Variants in NTNG1 observed in about 807,000 individuals in gnomAD.
The protein encoded by NTNG1 is netrin-G1.
NTNG1 carries 16 observed loss-of-function variants against 54.0 expected under a neutral mutation model. The observed-to-expected ratio is 0.30, with a 90% CI of 0.20 to 0.45. The LOEUF (loss-of-function observed/expected upper bound fraction) is 0.45. Ranked by LOEUF, NTNG1 falls within the 20% of genes least tolerant of loss-of-function variation. The pLI is 1.00. For missense variants in NTNG1, 530 were observed against 678.7 expected (o/e 0.78, Z 2.43); for synonymous variants, 255 against 263.1 (o/e 0.97, Z 0.30).
intron 2 of NTNG1, among the ~76,000 whole-genome samples, chr1:107,163,327 T>C (rs1031462054): frequency 1.1e-4 from 16 of 152,274 alleles, no homozygotes; most frequent in Admixed American, 9.8e-4. Flanking sequence ...ATTTTACTTC[T>C]TTGTTTTGAA....
At chr1:107,457,023 A>G (rs942405366) in intron 7 of NTNG1, among the ~76,000 whole-genome samples, 8 of 152,224 alleles carry the variant, frequency 5.3e-5, no homozygotes, top group South Asian at 2.1e-4. Flanking sequence ...TTTTTATTCT[A>G]TCATGATTAT....
At chr1:107,353,815 A>G (rs1384215493) in intron 3 of NTNG1, among the ~76,000 whole-genome samples, 2 of 152,212 alleles carry the variant, frequency 1.3e-5, no homozygotes, top group African/African-American at 4.8e-5. Flanking sequence ...GCATGGTAGC[A>G]TCTGCTTCTG....
In NTNG1 at chr1:107,213,431, GA is replaced by G. The variant is rs533611399; in HGVS notation, c.246+64593del. On this transcript the variant is annotated intron_variant, in intron 2 of 7. Transcript: ENST00000370068. ...CAGCATTACAGATGGGAGTAGACAA[GA>G]GGGGTGGAGCATGCGTGGAAGGCTG... 2.0e-5 allele frequency among the ~76,000 whole-genome samples: 3 copies of G among 152,286 alleles called. No homozygotes were observed. The East Asian group carries it at 5.8e-4, about 29-fold the overall frequency.
intron 7 of NTNG1, among the ~76,000 whole-genome samples, chr1:107,454,669 A>G (rs1267821057): frequency 6.6e-6 from 1 of 152,238 alleles, no homozygotes; most frequent in Non-Finnish European, 1.5e-5. Flanking sequence ...CAAAGGAGGA[A>G]ATAGCATGCA....
intron 3 of NTNG1, among the ~76,000 whole-genome samples, chr1:107,377,748 C>G (rs1557947408): frequency 6.6e-6 from 1 of 152,242 alleles, no homozygotes; most frequent in African/African-American, 2.4e-5. Flanking sequence ...AGGAATAAGG[C>G]AGCATACATT....
intron 2 of NTNG1, among the ~76,000 whole-genome samples, chr1:107,202,329 A>T (rs1399481479): frequency 6.6e-6 from 1 of 151,790 alleles, no homozygotes; most frequent in Non-Finnish European, 1.5e-5. Flanking sequence ...TACTTTTGTC[A>T]TCTGGAAAAT....
At chr1:107,383,232 G>A (rs369686898) in intron 3 of NTNG1, among the ~76,000 whole-genome samples, 3 of 152,286 alleles carry the variant, frequency 2.0e-5, no homozygotes, top group African/African-American at 7.2e-5. Context: ...CCTGATAGAA[G>A]AGGGCTATGG....
intron 6 of NTNG1, among the ~76,000 whole-genome samples, chr1:107,432,741 T>C (rs11586853): frequency 0.43 from 66,149 of 152,068 alleles, 15,527 homozygotes; most frequent in Non-Finnish European, 0.52. Context: ...TTTATAATAT[T>C]TAATATGATT....
intron 2 of NTNG1, among the ~76,000 whole-genome samples, chr1:107,301,791 T>A (rs1666336092): frequency 1.3e-5 from 2 of 152,164 alleles, no homozygotes; most frequent in Non-Finnish European, 2.9e-5. Flanking sequence ...CATTTTCAAG[T>A]AAGTTTGGGA....
At chr1:107,264,452 C>T (rs1663594817) in intron 2 of NTNG1, among the ~76,000 whole-genome samples, 1 of 152,186 alleles carries the variant, frequency 6.6e-6, no homozygotes, top group South Asian at 2.1e-4. Flanking sequence ...TGAAATCCTT[C>T]ACAATCTTAT....
chr1:107,381,348 TAAAAAAAAAAAA>T (rs10598493), intron 3 of NTNG1, among the ~76,000 whole-genome samples: 5 of 51,656 alleles, frequency 9.7e-5, no homozygotes, highest in Non-Finnish European at 1.4e-4. Flanking sequence ...TCTCTTTAAC[TAAAAAAAAAAAA>T]AAAAAAAAAA....
intron 2 of NTNG1, among the ~76,000 whole-genome samples, chr1:107,236,240 G>T (rs1423290310): frequency 6.6e-6 from 1 of 152,178 alleles, no homozygotes; most frequent in Non-Finnish European, 1.5e-5. Context: ...AGCAGGAAGA[G>T]CAGGGAGTGA....
At chr1:107,172,602 C>G (rs1224209720) in intron 2 of NTNG1, among the ~76,000 whole-genome samples, 1 of 152,076 alleles carries the variant, frequency 6.6e-6, no homozygotes, top group African/African-American at 2.4e-5. Flanking sequence ...TATACTGTCA[C>G]TATAAAAGAA....
At chr1:107,424,613 G>C (rs535075055) in intron 5 of NTNG1, among the ~76,000 whole-genome samples, 3 of 152,276 alleles carry the variant, frequency 2.0e-5, no homozygotes, top group African/African-American at 7.2e-5. Flanking sequence ...GAGATGGTGA[G>C]AGGTGTAGGC....
At position 107,148,460 on chromosome 1, in the gene NTNG1, T is replaced by TA. The variant is rs894364616; in HGVS notation, c.-125dup. The TA allele has an allele frequency of 2.2e-4, 167 of 775,490 alleles. No homozygotes were observed. Among genetic ancestry groups the TA allele is most frequent in the Middle Eastern group, 3.7e-4 (1 of 2,724 alleles). 48.0% of individuals were successfully genotyped at this position (775,490 alleles called of 1,614,324 possible). ...TCTGCTTTGAGGTCCCATCTTCATT[T>TA]AAAAAAAAATACAGAGACCTACCTA... On this transcript the variant is annotated 5_prime_UTR_variant, in exon 2 of 8. Coordinates refer to ENST00000370068, the MANE Select transcript of NTNG1 (RefSeq NM_001113226.3).
rs138381158 is a variant in NTNG1 at position 107,182,858 on chromosome 1, G to T, written c.246+34019G>T. ...TCCGCTGATTCGCTGTGATTCAGTT[G>T]CCCCTTGAATAAATGATAGCATTCT... is the stretch of plus-strand genomic sequence containing the variant. On this transcript the variant is annotated intron_variant, in intron 2 of 7. Coordinates refer to ENST00000370068, the MANE Select transcript of NTNG1 (RefSeq NM_001113226.3). 5.5e-3 allele frequency among the ~76,000 whole-genome samples: 841 copies of T among 152,226 alleles called. 7 individuals carry two copies. The highest frequency in any genetic ancestry group is 0.016 in the African/African-American group (652 of 41,550).
At chr1:107,207,292 C>G (rs1304633487) in intron 2 of NTNG1, among the ~76,000 whole-genome samples, 1 of 152,178 alleles carries the variant, frequency 6.6e-6, no homozygotes, top group Non-Finnish European at 1.5e-5. Context: ...GCCTCAAACA[C>G]TTTCCTATTT....
At chr1:107,355,456 G>C (rs1247591446) in intron 3 of NTNG1, among the ~76,000 whole-genome samples, 4 of 151,712 alleles carry the variant, frequency 2.6e-5, no homozygotes, top group Admixed American at 1.3e-4. Flanking sequence ...GTTACTTAGG[G>C]GTAATGGGGA....
chr1:107,452,523 A>C (rs919508038), intron 7 of NTNG1, among the ~76,000 whole-genome samples: 1 of 152,042 alleles, frequency 6.6e-6, no homozygotes, highest in Non-Finnish European at 1.5e-5. Context: ...GCCTACAGGG[A>C]GGTGTTTGGG....
Sources: gnomAD v4.1 joint callset for allele counts (sites outside exome capture counted in the v4.1 genomes callset) on GRCh38, gnomAD v4.1.1 for gene constraint, MANE v1.5 for transcripts, NCBI Gene and HGNC (gene_info 2026-07-23, HGNC 2026-07-21) for gene names.